NBEA: variants seen among roughly 807,000 people sequenced by gnomAD.
NBEA encodes the protein lysosomal-trafficking regulator 2.
NBEA carries 44 observed loss-of-function variants against 343.4 expected under a neutral mutation model. That is an observed-to-expected ratio of 0.13 (90% CI 0.10 to 0.16). The LOEUF is 0.16. Among genes scored for constraint, NBEA ranks in the 10% least tolerant of loss-of-function variants. NBEA has a pLI of 1.00. For missense variants in NBEA, 2,555 were observed against 3,631.3 expected (o/e 0.70, Z 7.62); for synonymous variants, 1,175 against 1,238.7 (o/e 0.95, Z 1.08).
chr13:35,112,605 A>G (rs2066271985), intron 13 of NBEA, among the ~76,000 whole-genome samples: 2 of 152,132 alleles, frequency 1.3e-5, no homozygotes, highest in South Asian at 4.1e-4. Flanking sequence ...ACACATAATA[A>G]TTTCTGCCTT....
At chr13:34,999,838 T>A (rs79000969) in intron 1 of NBEA, among the ~76,000 whole-genome samples, 1 of 152,100 alleles carries the variant, frequency 6.6e-6, no homozygotes, top group African/African-American at 2.4e-5. Context: ...AAGTACAGTG[T>A]CTGGATTTTA....
intron 4 of NBEA, among the ~76,000 whole-genome samples, chr13:35,047,461 G>A (rs1184334394): frequency 2.0e-5 from 3 of 151,982 alleles, no homozygotes; most frequent in African/African-American, 7.2e-5. Flanking sequence ...ACCATGCTAG[G>A]TTGAAGTCCA....
Position 34,987,623 on chromosome 13 carries a change from A to T in NBEA, c.294+44509A>T, listed in dbSNP as rs886181727. Among the ~76,000 whole-genome samples the T allele has an allele frequency of 8.6e-5, 13 of 150,940 alleles. 3 individuals carry two copies. Among genetic ancestry groups the T allele is most frequent in the Non-Finnish European group, 1.6e-4 (11 of 67,448 alleles). ...TGGTTCCATTATCCCCATCACTTTT[A>T]GGTACACCAATCAAACGTAGATTTG... On this transcript the variant is annotated intron_variant, in intron 1 of 58. Coordinates refer to ENST00000379939, the MANE Select transcript of NBEA (RefSeq NM_001385012.1).
intron 1 of NBEA, among the ~76,000 whole-genome samples, chr13:34,964,349 T>A (rs2059753665): frequency 6.6e-6 from 1 of 152,042 alleles, no homozygotes; most frequent in South Asian, 2.1e-4. Flanking sequence ...ACTTGGCACA[T>A]AAATGCTAAT....
intron 41 of NBEA, among the ~76,000 whole-genome samples, chr13:35,498,383 T>C (rs2076763007): frequency 6.6e-6 from 1 of 152,042 alleles, no homozygotes; most frequent in Non-Finnish European, 1.5e-5. Context: ...GGACAAGGGA[T>C]CCACAGGCAG....
intron 57 of NBEA, 79 bp from the exon 58 acceptor site, chr13:35,668,289 G>A: frequency 6.9e-7 from 1 of 1,455,426 alleles, no homozygotes; most frequent in Admixed American, 2.1e-5. Flanking sequence ...GGCTATTTAG[G>A]AAAAATTGAG....
chr13:35,164,546 T>C, intron 24 of NBEA, 37 bp downstream of exon 24: 2 of 1,582,926 alleles, frequency 1.3e-6, no homozygotes, highest in Non-Finnish European at 1.7e-6. Flanking sequence ...TTATATTTTA[T>C]AAATACATGA....
At chr13:35,429,685 T>A (rs1263530196) in intron 38 of NBEA, among the ~76,000 whole-genome samples, 2 of 152,124 alleles carry the variant, frequency 1.3e-5, no homozygotes, top group East Asian at 1.9e-4. Context: ...AATAAGTTAT[T>A]TAAGTGGTGA....
intron 53 of NBEA, among the ~76,000 whole-genome samples, chr13:35,654,532 G>GTA (rs1277165894): frequency 6.6e-6 from 1 of 152,130 alleles, no homozygotes; most frequent in East Asian, 1.9e-4. Flanking sequence ...TAATGAACTT[G>GTA]TATATAGTGA....
chr13:35,555,110 G>C lies in NBEA; in HGVS notation c.6922+8G>C. ...TCCTTAATACTATTGCAGGTAAGAT[G>C]TCTCATTCTTTAATCTAATAATATG... On this transcript the variant is annotated splice_region_variant and intron_variant, in intron 44 of 58. Coordinates refer to ENST00000379939, the MANE Select transcript of NBEA (RefSeq NM_001385012.1). The C allele has an allele frequency of 7.0e-7, 1 of 1,434,392 alleles. No homozygotes were observed. The highest frequency in any genetic ancestry group is 9.8e-7 in the Non-Finnish European group (1 of 1,023,160). 88.9% of individuals were successfully genotyped at this position (1,434,392 alleles called of 1,614,324 possible).
chr13:34,995,979 G>A (rs1274244962), intron 1 of NBEA, among the ~76,000 whole-genome samples: 1 of 152,188 alleles, frequency 6.6e-6, no homozygotes, highest in Non-Finnish European at 1.5e-5. Context: ...CAGAGCCTGA[G>A]CATTTGTTAA....
chr13:35,230,987 C>T (rs2074940424), intron 33 of NBEA, among the ~76,000 whole-genome samples: 1 of 151,982 alleles, frequency 6.6e-6, no homozygotes, highest in African/African-American at 2.4e-5. Flanking sequence ...TCAGGAGGTC[C>T]TTGCTTTAGG....
At chr13:35,635,552 A>G (rs186219966) in intron 49 of NBEA, among the ~76,000 whole-genome samples, 1 of 152,284 alleles carries the variant, frequency 6.6e-6, no homozygotes, top group Non-Finnish European at 1.5e-5. Context: ...TAATTAGTGG[A>G]GTGAAAATAC....
At chr13:35,227,524 C>G (rs1274689057) in intron 33 of NBEA, among the ~76,000 whole-genome samples, 1 of 151,994 alleles carries the variant, frequency 6.6e-6, no homozygotes, top group African/African-American at 2.4e-5. Flanking sequence ...ATAGAATTCA[C>G]TAGTATAATA....
At chr13:35,165,575 T>C (rs2069946328) in intron 24 of NBEA, among the ~76,000 whole-genome samples, 1 of 152,178 alleles carries the variant, frequency 6.6e-6, no homozygotes, top group African/African-American at 2.4e-5. Context: ...CTTTAATCTC[T>C]CTTTTCCTCT....
intron 39 of NBEA, among the ~76,000 whole-genome samples, chr13:35,449,835 A>C (rs1009230898): frequency 2.0e-5 from 3 of 152,206 alleles, no homozygotes; most frequent in Non-Finnish European, 4.4e-5. Context: ...ATTTGTCATA[A>C]TACTATTTGT....
At chr13:35,389,870 T>A (rs896356340) in intron 38 of NBEA, among the ~76,000 whole-genome samples, 2 of 152,084 alleles carry the variant, frequency 1.3e-5, no homozygotes, top group South Asian at 4.2e-4. Flanking sequence ...TTATTCTCTC[T>A]TAGTTCCCTC....
intron 51 of NBEA, among the ~76,000 whole-genome samples, 161 bp from the exon 52 acceptor site, chr13:35,649,494 G>A (rs1431321297): frequency 6.6e-6 from 1 of 152,144 alleles, no homozygotes; most frequent in African/African-American, 2.4e-5. Flanking sequence ...AAAGCTGCTC[G>A]ATTTGGGGCA....
At chr13:35,258,062 C>A (rs1286538560) in intron 34 of NBEA, among the ~76,000 whole-genome samples, 1 of 151,802 alleles carries the variant, frequency 6.6e-6, no homozygotes, top group East Asian at 1.9e-4. Flanking sequence ...TAGATTTTTA[C>A]ATTTTATTTT....
Sources: allele counts gnomAD v4.1 joint callset (sites outside exome capture counted in the v4.1 genomes callset), GRCh38; gene constraint gnomAD v4.1.1; transcripts MANE v1.5; gene names NCBI Gene and HGNC (gene_info 2026-07-23, HGNC 2026-07-21).